RAD54L2: variants seen among roughly 807,000 people sequenced by gnomAD.
RAD54L2 encodes the protein helicase ARIP4.
RAD54L2 carries 27 observed loss-of-function variants against 138.4 expected under a neutral mutation model. The observed-to-expected ratio is 0.20, with a 90% CI of 0.14 to 0.27. The LOEUF (loss-of-function observed/expected upper bound fraction) is 0.27, where lower values mean the gene tolerates loss of function less well. Among genes scored for constraint, RAD54L2 ranks in the 10% least tolerant of loss-of-function variants. RAD54L2 has a pLI of 1.00. For synonymous variants in RAD54L2, 644 were observed against 723.2 expected (o/e 0.89, Z 1.76); for missense variants, 1,396 against 1,890.2 (o/e 0.74, Z 4.85).
chr3:51,662,797 C>A lies in RAD54L2; in HGVS notation c.3781C>A (p.Pro1261Thr). The change falls in exon 23 of 23, where the codon CCA becomes ACA. Residue 1261 changes from proline (P) to threonine (T), a missense_variant. By Grantham distance (38) the Pro-to-Thr change is conservative (BLOSUM62 -1). Transcript: ENST00000684192. This position sits in a 1 kb window ranked among gnomAD's most constrained non-coding sequence, Gnocchi z 4.6. ...LRGHKRKLAT[P>T]PAAQESSRRR... ...GGGCCACAAGCGAAAGTTGGCCACA[C>A]CACCTGCTGCCCAGGAGTCATCCCG... The A allele has an allele frequency of 1.2e-6, 2 of 1,610,666 alleles. No individual in the cohort carries two copies. Among genetic ancestry groups the A allele is most frequent in the Non-Finnish European group, 1.7e-6 (2 of 1,178,492 alleles).
chr3:51,629,322 G>A lies in RAD54L2; in HGVS notation c.342-12G>A, dbSNP rs1314463822. ...ATTGAACCCAAGTGCTGTCTCTTATGTGAATGTTTAGAAAGCTACTCCGGG... is the reference window on the plus strand; with the variant it reads ...ATTGAACCCAAGTGCTGTCTCTTATATGAATGTTTAGAAAGCTACTCCGGG... On this transcript the variant is annotated splice_polypyrimidine_tract_variant and intron_variant, in intron 4 of 22. Transcript: ENST00000684192. 6 of 1,576,950 alleles carry A rather than the reference G, an allele frequency of 3.8e-6. No homozygotes were observed. Among genetic ancestry groups the A allele is most frequent in the Non-Finnish European group, 5.2e-6 (6 of 1,161,074 alleles).
At position 51,664,837 on chromosome 3, in the gene RAD54L2, A is replaced by G. The variant is rs1012974141; in HGVS notation, c.*1417A>G. 1 of 152,234 alleles carries G rather than the reference A, an allele frequency of 6.6e-6. No homozygotes were observed. The highest frequency in any genetic ancestry group is 2.4e-5 in the African/African-American group (1 of 41,456). 9.4% of individuals were successfully genotyped at this position (152,234 alleles called of 1,614,324 possible). A position where few individuals can be genotyped will look rare whatever the true frequency, so the allele number is the denominator to read the frequency against. Reference sequence around the variant, plus strand: ...TTGCAATTGGGAAGTAAGAGACCCCAGATTTGGAGCTGTGTCCTCCTGGGA... The same window carrying G: ...TTGCAATTGGGAAGTAAGAGACCCCGGATTTGGAGCTGTGTCCTCCTGGGA... On this transcript the variant is annotated 3_prime_UTR_variant, in exon 23 of 23. Coordinates refer to ENST00000684192, the MANE Select transcript of RAD54L2 (RefSeq NM_015106.4).
chr3:51,559,075 A>T (rs1238698763), intron 2 of RAD54L2, among the ~76,000 whole-genome samples: 1 of 151,628 alleles, frequency 6.6e-6, no homozygotes, highest in African/African-American at 2.4e-5. Context: ...GGGTTTCACC[A>T]TGTTGCCCAG....
intron 7 of RAD54L2, among the ~76,000 whole-genome samples, chr3:51,632,284 C>T (rs1700865038): frequency 6.6e-6 from 1 of 152,062 alleles, no homozygotes; most frequent in Admixed American, 6.6e-5. Context: ...AGCTTAAAAA[C>T]TCTTCTGTTG....
At chr3:51,621,106 A>G (rs925487004) in intron 3 of RAD54L2, among the ~76,000 whole-genome samples, 1 of 152,260 alleles carries the variant, frequency 6.6e-6, no homozygotes, top group Non-Finnish European at 1.5e-5. Context: ...TATTAAGAAT[A>G]GTTTATTAAA....
At position 51,571,954 on chromosome 3, in the gene RAD54L2, A is replaced by G. The variant is rs560343865; in HGVS notation, c.-54-18413A>G. ...CTCCATATACTTTTCCCCAGAGAATAGGAGTATTAGTTTAAAAGAAGCCTT... is the reference window on the plus strand; with the variant it reads ...CTCCATATACTTTTCCCCAGAGAATGGGAGTATTAGTTTAAAAGAAGCCTT... On this transcript the variant is annotated intron_variant, in intron 2 of 22. Transcript: ENST00000684192. Among the ~76,000 whole-genome samples the G allele has an allele frequency of 5.3e-5, 8 of 152,234 alleles. No individual in the cohort carries two copies. The South Asian group carries it at 1.7e-3, about 32-fold the overall frequency.
At chr3:51,629,971 A>G (rs1192512800) in intron 5 of RAD54L2, among the ~76,000 whole-genome samples, 3 of 152,218 alleles carry the variant, frequency 2.0e-5, no homozygotes, top group Non-Finnish European at 2.9e-5. Flanking sequence ...AAAAAGCTAA[A>G]ATGAATAAAA....
chr3:51,578,425 C>T (rs1699529991), intron 2 of RAD54L2, among the ~76,000 whole-genome samples: 1 of 152,066 alleles, frequency 6.6e-6, no homozygotes, highest in Admixed American at 6.6e-5. Context: ...ATTTGGTAGC[C>T]TAAGGGGGTA....
At chr3:51,635,911 A>C in intron 10 of RAD54L2, 122 bp downstream of exon 10, 1 of 1,057,456 alleles carries the variant, frequency 9.5e-7, no homozygotes, top group South Asian at 1.8e-5. Flanking sequence ...CATGGACCAA[A>C]AATCCTGGTT....
At chr3:51,655,727 A>T (rs373505429) in intron 19 of RAD54L2, among the ~76,000 whole-genome samples, 1 of 152,214 alleles carries the variant, frequency 6.6e-6, no homozygotes, top group Admixed American at 6.5e-5. Context: ...AGAAAGTATT[A>T]TTCCACCAAC....
intron 3 of RAD54L2, among the ~76,000 whole-genome samples, chr3:51,618,075 C>T (rs1700487768): frequency 6.6e-6 from 1 of 151,674 alleles, no homozygotes. Context: ...TCTCTTGCCT[C>T]ATCCTCCGGA....
intron 3 of RAD54L2, among the ~76,000 whole-genome samples, chr3:51,609,698 TTGTGTGTGTGTG>T (rs5848928): frequency 0.021 from 2,974 of 141,172 alleles, 101 homozygotes; most frequent in African/African-American, 0.072. Flanking sequence ...TTGTGGGCAT[TTGTGTGTGTGTG>T]TGTGTGTGTG....
intron 3 of RAD54L2, among the ~76,000 whole-genome samples, chr3:51,607,948 CG>C (rs1700236833): frequency 7.2e-6 from 1 of 138,050 alleles, no homozygotes; most frequent in Non-Finnish European, 1.5e-5. Flanking sequence ...TCCTCCCGGA[CG>C]GGGTGGCTGG....
intron 21 of RAD54L2, among the ~76,000 whole-genome samples, chr3:51,659,098 GTTTTTTTTT>G (rs1014568687): frequency 4.0e-5 from 3 of 75,048 alleles, no homozygotes; most frequent in Non-Finnish European, 7.4e-5. Context: ...TCCGGCTCTT[GTTTTTTTTT>G]TTTTTTTTTT....
intron 2 of RAD54L2, among the ~76,000 whole-genome samples, chr3:51,549,559 C>T (rs1457243363): frequency 6.6e-6 from 1 of 152,032 alleles, no homozygotes; most frequent in Non-Finnish European, 1.5e-5. Flanking sequence ...AGGGAAATCA[C>T]CTGAGGTCAG....
intron 3 of RAD54L2, among the ~76,000 whole-genome samples, chr3:51,616,182 G>A (rs897330576): frequency 1.3e-5 from 2 of 151,984 alleles, no homozygotes; most frequent in African/African-American, 4.8e-5. Context: ...GTAGAGTATT[G>A]TATAGTCATC....
chr3:51,666,174 C>CTTGTTTTTTTTT lies in RAD54L2; in HGVS notation c.*2756_*2757insGTTTTTTTTTTT, dbSNP rs1701906407. 1 of 58,706 alleles carries CTTGTTTTTTTTT rather than the reference C, an allele frequency of 1.7e-5. No individual in the cohort carries two copies. Among genetic ancestry groups the CTTGTTTTTTTTT allele is most frequent in the Non-Finnish European group, 2.8e-5 (1 of 36,318 alleles). The allele number at this position is 58,706 out of a possible 1,614,324, so 3.6% of individuals were successfully genotyped here. A position where few individuals can be genotyped will look rare whatever the true frequency, so the allele number is the denominator to read the frequency against. Reference sequence around the variant, plus strand: ...AGTGCTACCAGGTCCATGGTTTTTGCTTTTTTTTTTTTTTTTTTTTTTTTT... The same window carrying CTTGTTTTTTTTT: ...AGTGCTACCAGGTCCATGGTTTTTGCTTGTTTTTTTTTTTTTTTTTTTTTTTTTTTTTTTTTT... On this transcript the variant is annotated 3_prime_UTR_variant, in exon 23 of 23. Coordinates refer to ENST00000684192, the MANE Select transcript of RAD54L2 (RefSeq NM_015106.4).
chr3:51,656,233 G>C (rs1346714691), intron 20 of RAD54L2, 63 bp downstream of exon 20: 2 of 1,423,398 alleles, frequency 1.4e-6, no homozygotes, highest in South Asian at 1.4e-5. Flanking sequence ...TGTTCATTTA[G>C]GAAGTATCTA....
chr3:51,598,414 G>T (rs921567166), intron 3 of RAD54L2, among the ~76,000 whole-genome samples: 4 of 151,972 alleles, frequency 2.6e-5, no homozygotes, highest in African/African-American at 9.7e-5. Flanking sequence ...ATACGCTGGG[G>T]GAAGTAATAC....
Sources: gnomAD v4.1 joint callset for allele counts (sites outside exome capture counted in the v4.1 genomes callset) on GRCh38, gnomAD v4.1.1 for gene constraint, Gnocchi (gnomAD v3.1) non-coding constraint, MANE v1.5 for transcripts, NCBI Gene and HGNC (gene_info 2026-07-23, HGNC 2026-07-21) for gene names.